The following ATP8B4 variants were observed in gnomAD, a reference collection of about 807,000 sequenced individuals.
The protein encoded by ATP8B4 is ATPase phospholipid transporting 8B4 (putative), also known as probable phospholipid-transporting ATPase IM.
ATP8B4 carries 133 observed loss-of-function variants against 145.6 expected under a neutral mutation model. That is an observed-to-expected ratio of 0.91 (90% CI 0.79 to 1.05). The LOEUF (loss-of-function observed/expected upper bound fraction) is 1.05. Among genes scored for constraint, ATP8B4 ranks in the 50% least tolerant of loss-of-function variants. The pLI, the probability that ATP8B4 is intolerant of heterozygous loss-of-function variation, is 0.00. For missense variants in ATP8B4, 1,458 were observed against 1,425.2 expected (o/e 1.02, Z -0.37); for synonymous variants, 507 against 492.9 (o/e 1.03, Z -0.38).
At chr15:50,014,246 C>G (rs1036974599) in intron 6 of ATP8B4, among the ~76,000 whole-genome samples, 2 of 152,110 alleles carry the variant, frequency 1.3e-5, no homozygotes, top group African/African-American at 4.8e-5. Context: ...ATCCACTTAA[C>G]CCTGAGCTTG....
At chr15:50,056,675 T>C (rs1351312853) in intron 3 of ATP8B4, among the ~76,000 whole-genome samples, 3 of 150,478 alleles carry the variant, frequency 2.0e-5, no homozygotes, top group African/African-American at 7.4e-5. Flanking sequence ...TTAATTACTA[T>C]ACACAATATA....
intron 1 of ATP8B4, among the ~76,000 whole-genome samples, chr15:50,168,915 G>A (rs569848496): frequency 5.9e-5 from 9 of 152,226 alleles, no homozygotes; most frequent in East Asian, 1.9e-4. Context: ...GGCTTTCCCC[G>A]ACTTCCCTGA....
chr15:49,863,914 A>G (rs1451312323), intron 26 of ATP8B4, among the ~76,000 whole-genome samples: 1 of 152,214 alleles, frequency 6.6e-6, no homozygotes, highest in Non-Finnish European at 1.5e-5. Context: ...CTTAGCTGGA[A>G]AAGAGTGGTC....
chr15:50,054,304 C>T (rs550049842), intron 3 of ATP8B4, among the ~76,000 whole-genome samples: 26 of 152,312 alleles, frequency 1.7e-4, no homozygotes, highest in African/African-American at 5.1e-4. Context: ...AAGCTCTGAA[C>T]AGTCTCACTC....
chr15:50,135,653 C>T (rs1013098154), intron 1 of ATP8B4, among the ~76,000 whole-genome samples: 12 of 152,246 alleles, frequency 7.9e-5, no homozygotes, highest in Non-Finnish European at 1.6e-4. Context: ...AAATGCTTTC[C>T]GCTAAACAAG....
chr15:49,997,169 T>A (rs1046262116), intron 8 of ATP8B4, among the ~76,000 whole-genome samples: 1 of 152,122 alleles, frequency 6.6e-6, no homozygotes, highest in Non-Finnish European at 1.5e-5. Context: ...CAAAAAATGG[T>A]CATGACTAAT....
intron 17 of ATP8B4, 48 bp from the exon 18 acceptor site, chr15:49,920,458 A>C (rs1288927608): frequency 6.6e-7 from 1 of 1,523,610 alleles, no homozygotes; most frequent in Non-Finnish European, 8.8e-7. Context: ...AACAATAAGC[A>C]CAGAAATAAC....
chr15:49,898,715 T>G (rs2037693433), intron 21 of ATP8B4, among the ~76,000 whole-genome samples: 1 of 152,200 alleles, frequency 6.6e-6, no homozygotes, highest in Admixed American at 6.5e-5. Context: ...TTTGTTGTGA[T>G]TGTTAATGTG....
chr15:50,051,810 TAA>T (rs1381908386), intron 3 of ATP8B4, among the ~76,000 whole-genome samples: 1 of 152,224 alleles, frequency 6.6e-6, no homozygotes, highest in Non-Finnish European at 1.5e-5. Context: ...GCAGGAATTA[TAA>T]AGACACTCTC....
Position 50,089,661 on chromosome 15 carries a change from T to C in ATP8B4, c.29-15476A>G, listed in dbSNP as rs180733658. ...GCTGTGGAGAAACAGGAACTTTTTT[T>C]TTTCTTTCTTTCTTTTTTTTGAGAC... On this transcript the variant is annotated intron_variant, in intron 2 of 27. Coordinates refer to ENST00000284509, the MANE Select transcript of ATP8B4 (RefSeq NM_024837.4). Among the ~76,000 whole-genome samples, 53 of 152,072 alleles carry C rather than the reference T, an allele frequency of 3.5e-4. No homozygotes were observed. In the East Asian group the frequency reaches 8.3e-3, roughly 24 times the overall value.
At chr15:50,063,953 A>C (rs576170479) in intron 3 of ATP8B4, among the ~76,000 whole-genome samples, 2 of 152,254 alleles carry the variant, frequency 1.3e-5, no homozygotes, top group South Asian at 2.1e-4. Context: ...TTGATGGAAA[A>C]ATTACCTAAT....
At chr15:50,032,185 GC>G (rs2050496192) in intron 6 of ATP8B4, among the ~76,000 whole-genome samples, 1 of 148,764 alleles carries the variant, frequency 6.7e-6, no homozygotes, top group African/African-American at 2.5e-5. Flanking sequence ...CCCTCCCCTT[GC>G]CCCCCACCCC....
intron 9 of ATP8B4, among the ~76,000 whole-genome samples, chr15:49,994,900 T>A (rs2047304610): frequency 6.6e-6 from 1 of 152,108 alleles, no homozygotes; most frequent in Non-Finnish European, 1.5e-5. Flanking sequence ...CAATGAACTA[T>A]AAGAGGAAGA....
intron 12 of ATP8B4, among the ~76,000 whole-genome samples, chr15:49,976,462 T>G (rs1183113324): frequency 6.6e-6 from 1 of 152,112 alleles, no homozygotes; most frequent in Non-Finnish European, 1.5e-5. Context: ...AGAGATAAAG[T>G]GACTAACCCA....
intron 12 of ATP8B4, among the ~76,000 whole-genome samples, chr15:49,976,021 A>G (rs74797005): frequency 6.6e-6 from 1 of 152,186 alleles, no homozygotes; most frequent in African/African-American, 2.4e-5. Flanking sequence ...CTTTCTGGTT[A>G]TAAATTATAT....
intron 1 of ATP8B4, among the ~76,000 whole-genome samples, chr15:50,139,562 C>A (rs1360080911): frequency 6.6e-6 from 1 of 152,102 alleles, no homozygotes; most frequent in Non-Finnish European, 1.5e-5. Context: ...ATGCAACAAA[C>A]CTGCATGTTC....
intron 25 of ATP8B4, 78 bp from the exon 26 acceptor site, chr15:49,866,562 G>GAACT (rs1272299261): frequency 1.9e-6 from 3 of 1,541,746 alleles, no homozygotes; most frequent in Non-Finnish European, 2.7e-6. Context: ...TGTTTCGCGA[G>GAACT]AACTGCCCTG....
intron 2 of ATP8B4, among the ~76,000 whole-genome samples, chr15:50,090,029 G>A (rs1179416439): frequency 1.3e-5 from 2 of 152,178 alleles, no homozygotes; most frequent in Non-Finnish European, 2.9e-5. Context: ...ATACTATGCA[G>A]CCATAAAAAG....
At chr15:50,074,626 G>A (rs2054062361) in intron 2 of ATP8B4, among the ~76,000 whole-genome samples, 1 of 152,102 alleles carries the variant, frequency 6.6e-6, no homozygotes, top group African/African-American at 2.4e-5. Flanking sequence ...CTGACCTTAT[G>A]GTCTTAGAAC....
Sources: allele counts gnomAD v4.1 joint callset (sites outside exome capture counted in the v4.1 genomes callset), GRCh38; gene constraint gnomAD v4.1.1; transcripts MANE v1.5; gene names NCBI Gene and HGNC (gene_info 2026-07-23, HGNC 2026-07-21).